IGSF10: variants seen among roughly 807,000 people sequenced by gnomAD.
The protein encoded by IGSF10 is calvaria mechanical force protein 608.
Under a neutral mutation model 128.2 loss-of-function variants are expected in IGSF10, and 126 were observed. The ratio of observed to expected loss-of-function variants is 0.98; its 90% CI spans 0.85 to 1.14. The LOEUF is 1.14. Ranked by LOEUF, IGSF10 falls within the 50% of genes most tolerant of loss-of-function variation. The pLI is 0.00. For missense variants in IGSF10, 3,295 were observed against 3,149.8 expected (o/e 1.05, Z -1.10); for synonymous variants, 1,185 against 1,146.2 (o/e 1.03, Z -0.68).
chr3:151,595,428 A>T, the IGSF10 span, among the ~76,000 whole-genome samples: 1 of 151,416 alleles, frequency 6.6e-6, no homozygotes, highest in Non-Finnish European at 1.5e-5. Context: ...AACATTCTTA[A>T]AATTAAAATA....
At chr3:151,575,079 C>A in the IGSF10 span, among the ~76,000 whole-genome samples, 2 of 152,124 alleles carry the variant, frequency 1.3e-5, no homozygotes, top group Non-Finnish European at 2.9e-5. Flanking sequence ...TGCAGAAAAG[C>A]AATTATTGCT....
intron 4 of IGSF10, among the ~76,000 whole-genome samples, chr3:151,455,717 A>G (rs1721760912): frequency 2.0e-5 from 3 of 152,172 alleles, no homozygotes; most frequent in South Asian, 4.1e-4. Context: ...TCATTGGTTG[A>G]TGGACATTAA....
At chr3:151,576,485 G>T in the IGSF10 span, among the ~76,000 whole-genome samples, 2 of 152,086 alleles carry the variant, frequency 1.3e-5, no homozygotes, top group Non-Finnish European at 2.9e-5. Context: ...ATTTTTCAAA[G>T]GCATGAAATT....
upstream of IGSF10, among the ~76,000 whole-genome samples, chr3:151,465,420 C>T (rs139256239): frequency 8.0e-3 from 1,225 of 152,270 alleles, 69 homozygotes; most frequent in Admixed American, 0.071. Context: ...GCTGTAAATG[C>T]TCTGTGTTGC....
At chr3:151,515,547 C>G in the IGSF10 span, among the ~76,000 whole-genome samples, 1 of 150,844 alleles carries the variant, frequency 6.6e-6, no homozygotes, top group Non-Finnish European at 1.5e-5. Flanking sequence ...TGCAGCACAC[C>G]AACATGGCAC....
the IGSF10 span, among the ~76,000 whole-genome samples, chr3:151,538,634 G>A: frequency 7.9e-5 from 12 of 152,218 alleles, no homozygotes; most frequent in African/African-American, 2.9e-4. Flanking sequence ...CATTAACACT[G>A]CTGACATCAG....
chr3:151,588,950 T>C, the IGSF10 span, among the ~76,000 whole-genome samples: 3 of 152,156 alleles, frequency 2.0e-5, no homozygotes, highest in Non-Finnish European at 2.9e-5. Context: ...TTTCTAAATT[T>C]TAGTATTTCT....
chr3:151,547,335 T>C, the IGSF10 span, among the ~76,000 whole-genome samples: 4 of 152,176 alleles, frequency 2.6e-5, no homozygotes, highest in South Asian at 6.2e-4. Context: ...CCAGTGATTA[T>C]GTTCTTGCAC....
chr3:151,529,481 C>T, the IGSF10 span, among the ~76,000 whole-genome samples: 2 of 152,148 alleles, frequency 1.3e-5, no homozygotes, highest in South Asian at 2.1e-4. Flanking sequence ...AGGCAGGTGC[C>T]CCTCTGGGAT....
chr3:151,433,692 C>A (rs2108501820), downstream of IGSF10: 1 of 152,768 alleles, frequency 6.5e-6, no homozygotes, highest in African/African-American at 2.4e-5. Context: ...CAGTAGCTGG[C>A]TTGAGATTCC....
At chr3:151,518,869 A>C in the IGSF10 span, among the ~76,000 whole-genome samples, 1 of 151,882 alleles carries the variant, frequency 6.6e-6, no homozygotes, top group African/African-American at 2.4e-5. Context: ...TGAGGCTCTA[A>C]ATTTGATAGA....
In IGSF10 at chr3:151,446,518, T is replaced by C; in HGVS notation, c.3463A>G (p.Thr1155Ala). 6.2e-7 allele frequency: 1 copy of C among 1,614,090 alleles called. No homozygotes were observed. Among genetic ancestry groups the C allele is most frequent in the Non-Finnish European group, 8.5e-7 (1 of 1,179,996 alleles). ...YAPTSIPMEK[T>A]HKVNASYPRV... ...GGGTAACTGGCGTTTACTTTGTGAG[T>C]TTTTTCCATGGGTATGGATGTTGGA... Residue 1155 changes from threonine (T) to alanine (A), a missense_variant, in exon 6 of 8, where the codon ACT becomes GCT. By Grantham distance (58) the Thr-to-Ala change is moderately conservative. Coordinates refer to ENST00000282466, the MANE Select transcript of IGSF10 (RefSeq NM_178822.5).
chr3:151,514,059 T>C, the IGSF10 span, among the ~76,000 whole-genome samples: 3 of 152,100 alleles, frequency 2.0e-5, no homozygotes, highest in Non-Finnish European at 4.4e-5. Flanking sequence ...AGGTAATTTA[T>C]AGATTCAATG....
chr3:151,591,191 A>C, the IGSF10 span, among the ~76,000 whole-genome samples: 7 of 151,442 alleles, frequency 4.6e-5, no homozygotes, highest in African/African-American at 1.7e-4. Flanking sequence ...TAATGCATCA[A>C]GAAATATGCA....
At position 151,446,905 on chromosome 3, in the gene IGSF10, A is replaced by G. The variant is rs1721228746; in HGVS notation, c.3076T>C (p.Tyr1026His). 1.2e-6 allele frequency: 2 copies of G among 1,614,140 alleles called. No individual in the cohort carries two copies. Among genetic ancestry groups the G allele is most frequent in the Non-Finnish European group, 1.7e-6 (2 of 1,180,002 alleles). ...TGCCGTCGCAGAACTGGAGTTCTAT[A>G]TGGGCTGATAATCCGCCCCCTTCCG... ...IGGRGRIISP[Y>H]RTPVLRRHRY... is the part of the protein sequence containing the mutation. The change falls in exon 6 of 8, where the codon TAT (tyrosine) becomes CAT (histidine). Residue 1026 changes from tyrosine to histidine, a missense_variant. By Grantham distance (83) the Tyr-to-His change is moderately conservative (BLOSUM62 2). Transcript: ENST00000282466.
the IGSF10 span, among the ~76,000 whole-genome samples, chr3:151,579,664 A>T: frequency 6.6e-5 from 10 of 152,044 alleles, no homozygotes; most frequent in African/African-American, 2.4e-4. Context: ...CTAATATATG[A>T]GCAACTGGAA....
At chr3:151,544,527 A>C in the IGSF10 span, among the ~76,000 whole-genome samples, 1 of 152,132 alleles carries the variant, frequency 6.6e-6, no homozygotes, top group East Asian at 1.9e-4. Context: ...TAAATTGGAG[A>C]GCATTTTCAC....
At chr3:151,609,677 T>C in the IGSF10 span, among the ~76,000 whole-genome samples, 2 of 152,194 alleles carry the variant, frequency 1.3e-5, no homozygotes, top group East Asian at 3.9e-4. Context: ...ACTGAAATCA[T>C]GTTCTTTGCA....
the IGSF10 span, among the ~76,000 whole-genome samples, chr3:151,606,689 A>G: frequency 6.6e-6 from 1 of 152,226 alleles, no homozygotes; most frequent in African/African-American, 2.4e-5. Context: ...GGTAAAGCTG[A>G]GAAAGTAGCA....
Sources: gnomAD v4.1 joint callset for allele counts (sites outside exome capture counted in the v4.1 genomes callset) on GRCh38, gnomAD v4.1.1 for gene constraint, MANE v1.5 for transcripts, NCBI Gene and HGNC (gene_info 2026-07-23, HGNC 2026-07-21) for gene names.